Variants in ARHGEF10L observed in about 807,000 individuals in gnomAD.
ARHGEF10L encodes the protein Rho guanine nucleotide exchange factor 10 like, also known as rho guanine nucleotide exchange factor 10-like protein.
A neutral mutation model predicts 141.2 loss-of-function variants in ARHGEF10L; 69 were observed. That is an observed-to-expected ratio of 0.49 (90% CI 0.40 to 0.60). The LOEUF (loss-of-function observed/expected upper bound fraction) is 0.60, where lower values mean the gene tolerates loss of function less well. Ranked by LOEUF, ARHGEF10L falls within the 20% of genes least tolerant of loss-of-function variation. The pLI, the probability that ARHGEF10L is intolerant of heterozygous loss-of-function variation, is 0.00. For missense variants in ARHGEF10L, 1,482 were observed against 1,734.3 expected (o/e 0.85, Z 2.58); for synonymous variants, 711 against 718.5 (o/e 0.99, Z 0.17).
intron 27 of ARHGEF10L, among the ~76,000 whole-genome samples, chr1:17,693,672 A>T (rs1286565265): frequency 1.3e-5 from 2 of 152,098 alleles, no homozygotes; most frequent in African/African-American, 4.8e-5. Flanking sequence ...TGGGGCCGGC[A>T]TTTGTGTCTT....
chr1:17,568,560 C>T (rs1451950136), intron 1 of ARHGEF10L, among the ~76,000 whole-genome samples: 1 of 152,140 alleles, frequency 6.6e-6, no homozygotes, highest in African/African-American at 2.4e-5. Flanking sequence ...TCCCATTTTT[C>T]ACTGGGCAAG....
chr1:17,638,818 C>T, intron 20 of ARHGEF10L, 129 bp downstream of exon 20: 1 of 1,344,892 alleles, frequency 7.4e-7, no homozygotes, highest in Non-Finnish European at 1.0e-6. Flanking sequence ...GATATGTAGG[C>T]ATCGTGGGCC....
intron 17 of ARHGEF10L, 22 bp downstream of exon 17, chr1:17,634,584 G>A (rs777812496): frequency 8.8e-6 from 14 of 1,597,046 alleles, no homozygotes; most frequent in African/African-American, 2.7e-5. Context: ...AGGGGGCTCC[G>A]GGGCTCTGGG....
chr1:17,648,056 A>G (rs2061699415), intron 21 of ARHGEF10L, among the ~76,000 whole-genome samples: 1 of 152,164 alleles, frequency 6.6e-6, no homozygotes, highest in Admixed American at 6.5e-5. Context: ...CATCACCACC[A>G]TGGTCAAGTG....
chr1:17,648,416 G>A (rs2061720363), intron 21 of ARHGEF10L, 138 bp from the exon 22 acceptor site: 2 of 1,085,504 alleles, frequency 1.8e-6, no homozygotes, highest in South Asian at 3.4e-5. Flanking sequence ...CAGTCCGGCA[G>A]GAGTAGGGTG....
Position 17,655,865 on chromosome 1 carries a change from G to T in ARHGEF10L, c.2482-14G>T, listed in dbSNP as rs1176381418. ...GGTTCCCACCTGATGGCCTCTCTGG[G>T]TCTCTGCTCCCAGGTCGGGGGCGGA... On this transcript the variant is annotated splice_polypyrimidine_tract_variant and intron_variant, in intron 23 of 28. Transcript: ENST00000361221. The T allele has an allele frequency of 6.5e-7, 1 of 1,550,378 alleles. No homozygotes were observed. The highest frequency in any genetic ancestry group is 8.7e-7 in the Non-Finnish European group (1 of 1,147,028).
At chr1:17,521,162 A>C in the ARHGEF10L span, among the ~76,000 whole-genome samples, 1 of 152,176 alleles carries the variant, frequency 6.6e-6, no homozygotes, top group South Asian at 2.1e-4. Context: ...CAGCTTGACT[A>C]TCTCCGGGAA....
chr1:17,618,261 CA>C, intron 9 of ARHGEF10L: 7 of 1,344,988 alleles, frequency 5.2e-6, no homozygotes, highest in Non-Finnish European at 6.9e-6. Context: ...CAGCCCTCCC[CA>C]CCCCGCCCAC....
intron 18 of ARHGEF10L, among the ~76,000 whole-genome samples, chr1:17,635,289 G>C (rs2060933674): frequency 1.3e-5 from 2 of 152,194 alleles, no homozygotes; most frequent in South Asian, 4.1e-4. Flanking sequence ...TGCTGTGCCA[G>C]CTACCTGGCT....
chr1:17,557,427 CTG>C (rs761053730), intron 1 of ARHGEF10L, among the ~76,000 whole-genome samples: 1 of 152,170 alleles, frequency 6.6e-6, no homozygotes, highest in Admixed American at 6.5e-5. Context: ...GTGACGGGCT[CTG>C]TGTTGGATGC....
chr1:17,637,973 T>A lies in ARHGEF10L; in HGVS notation c.2013T>A (p.Leu671=). The A allele has an allele frequency of 6.3e-7, 1 of 1,598,160 alleles. No homozygotes were observed. The highest frequency in any genetic ancestry group is 1.3e-5 in the African/African-American group (1 of 74,830). Residue 671 remains leucine, a synonymous_variant, in exon 19 of 29, where the codon CTT becomes CTA. Coordinates refer to ENST00000361221, the MANE Select transcript of ARHGEF10L (RefSeq NM_018125.4). ...KDLAVVEQIT[L]LISTLHGTYQ... The stretch of plus-strand genomic sequence containing the variant: ...TGGCCGTGGTGGAGCAGATCACGCT[T>A]CTCATCAGCACGCTGCACGGCACCT...
intron 1 of ARHGEF10L, among the ~76,000 whole-genome samples, chr1:17,572,237 T>C (rs2078033604): frequency 6.6e-6 from 1 of 152,198 alleles, no homozygotes; most frequent in African/African-American, 2.4e-5. Context: ...GAGAACGCCT[T>C]GTACTGGGTC....
At chr1:17,530,509 A>G in the ARHGEF10L span, among the ~76,000 whole-genome samples, 1 of 152,120 alleles carries the variant, frequency 6.6e-6, no homozygotes, top group South Asian at 2.1e-4. Context: ...GTCATTATCC[A>G]TGCATCTGTG....
intron 4 of ARHGEF10L, among the ~76,000 whole-genome samples, chr1:17,593,265 A>G (rs1468216327): frequency 6.6e-6 from 1 of 152,220 alleles, no homozygotes; most frequent in Non-Finnish European, 1.5e-5. Flanking sequence ...CTACACGTGC[A>G]CGGACTTTAC....
chr1:17,565,832 G>C (rs991033258), intron 1 of ARHGEF10L, among the ~76,000 whole-genome samples: 1 of 152,108 alleles, frequency 6.6e-6, no homozygotes, highest in Admixed American at 6.5e-5. Context: ...CCACCTTAAA[G>C]AGGCGGCTGT....
chr1:17,663,388 C>T (rs2062756521), intron 25 of ARHGEF10L, among the ~76,000 whole-genome samples: 1 of 151,992 alleles, frequency 6.6e-6, no homozygotes, highest in African/African-American at 2.4e-5. Context: ...CCCGTGTCTA[C>T]TAAAAATACA....
intron 1 of ARHGEF10L, among the ~76,000 whole-genome samples, chr1:17,568,090 C>T (rs983626282): frequency 1.3e-5 from 2 of 152,182 alleles, no homozygotes; most frequent in Non-Finnish European, 2.9e-5. Context: ...GCCTTGCCTT[C>T]ACCATCCAGG....
chr1:17,574,739 C>T (rs908845201), intron 1 of ARHGEF10L, among the ~76,000 whole-genome samples: 1 of 152,246 alleles, frequency 6.6e-6, no homozygotes, highest in African/African-American at 2.4e-5. Flanking sequence ...ATCCCGGACT[C>T]TCCACCAGGT....
At chr1:17,645,437 G>A (rs2061542388) in intron 21 of ARHGEF10L, among the ~76,000 whole-genome samples, 1 of 152,114 alleles carries the variant, frequency 6.6e-6, no homozygotes, top group Non-Finnish European at 1.5e-5. Context: ...GTTCGGGGAG[G>A]AAAGAGAGGA....
Sources: allele counts gnomAD v4.1 joint callset (sites outside exome capture counted in the v4.1 genomes callset), GRCh38; gene constraint gnomAD v4.1.1; transcripts MANE v1.5; gene names NCBI Gene and HGNC (gene_info 2026-07-23, HGNC 2026-07-21).